Variants in RPTOR observed in about 807,000 individuals in gnomAD.
RPTOR encodes the protein regulatory-associated protein of mTOR.
Under a neutral mutation model 169.9 loss-of-function variants are expected in RPTOR, and 21 were observed. The observed-to-expected ratio is 0.12, with a 90% confidence interval of 0.09 to 0.18. RPTOR has a LOEUF of 0.18. RPTOR is among the 10% of genes least tolerant of loss of function. RPTOR has a pLI of 1.00. For synonymous variants in RPTOR, 732 were observed against 753.2 expected, an observed-to-expected ratio of 0.97 and a Z score of 0.46; for missense variants, 1,133 against 1,855.9, an observed-to-expected ratio of 0.61 and a Z score of 7.16.
At chr17:80,657,349 T>C (rs892748118) in intron 3 of RPTOR, among the ~76,000 whole-genome samples, 6 of 152,198 alleles carry the variant, frequency 3.9e-5, no homozygotes, top group Non-Finnish European at 8.8e-5. Context: ...CTCTCCCTGC[T>C]GAGTGGAGAG....
At chr17:80,764,172 TTTA>T (rs372094191) in intron 6 of RPTOR, among the ~76,000 whole-genome samples, 2 of 86,270 alleles carry the variant, frequency 2.3e-5, no homozygotes, top group African/African-American at 9.8e-5. Flanking sequence ...TTTATTTTAT[TTTA>T]TTATTATACT....
In RPTOR at chr17:80,665,528, T is replaced by TCC. The variant is rs1461401001; in HGVS notation, c.348+21719_348+21720dup. 2.7e-4 allele frequency among the ~76,000 whole-genome samples: 17 copies of TCC among 63,358 alleles called. 4 individuals are homozygous for TCC. The East Asian group carries it at 6.8e-3, about 25-fold the overall frequency. The allele number at this position is 63,358 out of a possible 152,430, so 41.6% of individuals were successfully genotyped here. A position where few individuals can be genotyped will look rare whatever the true frequency, so the allele number is the denominator to read the frequency against. On this transcript the variant is annotated intron_variant, in intron 3 of 33. Coordinates refer to ENST00000306801, the MANE Select transcript of RPTOR (RefSeq NM_020761.3). ...CATGTCCTTTCCTTTCCTTTCCATG[T>TCC]CCTTTCCTTTCCTTTTCCTTTCCCC...
In RPTOR at chr17:80,753,956, G is replaced by A. The variant is rs115244519; in HGVS notation, c.655-54G>A. ...TGTTACAGCTGCAGCTTACTATTTG[G>A]TTGTGACCAGCAGCTAAATCACACT... is the stretch of plus-strand genomic sequence containing the variant. On this transcript the variant is annotated intron_variant, in intron 5 of 33. Coordinates refer to ENST00000306801, the MANE Select transcript of RPTOR (RefSeq NM_020761.3). The A allele has an allele frequency of 8.1e-6, 12 of 1,487,876 alleles. No homozygotes were observed. The Admixed American group carries it at 1.9e-4, about 24-fold the overall frequency. The allele number at this position is 1,487,876 out of a possible 1,614,324, so 92.2% of individuals were successfully genotyped here. A position where few individuals can be genotyped will look rare whatever the true frequency, so the allele number is the denominator to read the frequency against.
At chr17:80,814,882 T>C (rs557834543) in intron 7 of RPTOR, among the ~76,000 whole-genome samples, 2 of 152,172 alleles carry the variant, frequency 1.3e-5, no homozygotes, top group South Asian at 4.2e-4. Flanking sequence ...CCTGGGTTGG[T>C]GTGGGAGAGA....
chr17:80,690,782 G>T (rs1321589587), intron 3 of RPTOR, among the ~76,000 whole-genome samples: 1 of 152,132 alleles, frequency 6.6e-6, no homozygotes, highest in African/African-American at 2.4e-5. Flanking sequence ...ATTATGAAAA[G>T]ATGGTGTTAT....
chr17:80,639,608 G>C (rs1025765024), intron 2 of RPTOR, among the ~76,000 whole-genome samples: 12 of 152,184 alleles, frequency 7.9e-5, no homozygotes, highest in Admixed American at 7.9e-4. Flanking sequence ...GAGGGGAGGG[G>C]TCAGCCTGCG....
At chr17:80,665,393 C>CA (rs2065760009) in intron 3 of RPTOR, among the ~76,000 whole-genome samples, 1 of 6,328 alleles carries the variant, frequency 1.6e-4, no homozygotes, top group Admixed American at 1.7e-3. Context: ...CTTTCCTTTC[C>CA]TTTCCTTTCC....
intron 2 of RPTOR, among the ~76,000 whole-genome samples, chr17:80,629,903 T>C (rs956618917): frequency 6.6e-6 from 1 of 152,262 alleles, no homozygotes; most frequent in Non-Finnish European, 1.5e-5. Flanking sequence ...TGTATTGCGC[T>C]GTTGGACATT....
intron 7 of RPTOR, among the ~76,000 whole-genome samples, chr17:80,817,710 A>G (rs1164713941): frequency 6.6e-6 from 1 of 152,120 alleles, no homozygotes; most frequent in Non-Finnish European, 1.5e-5. Flanking sequence ...CATCTGGTGG[A>G]GAATCAAAGG....
chr17:80,808,396 C>T (rs78767325), intron 7 of RPTOR, among the ~76,000 whole-genome samples: 6,866 of 152,272 alleles, frequency 0.045, 529 homozygotes, highest in African/African-American at 0.16. Flanking sequence ...TGCACTCCAG[C>T]TTGGGTGACA....
chr17:80,580,379 G>T (rs1424256417), intron 1 of RPTOR, among the ~76,000 whole-genome samples: 1 of 152,164 alleles, frequency 6.6e-6, no homozygotes, highest in Non-Finnish European at 1.5e-5. Flanking sequence ...CATTTTATGT[G>T]CCCGCTCGTG....
At chr17:80,789,121 T>A (rs1412076871) in intron 6 of RPTOR, among the ~76,000 whole-genome samples, 1 of 152,272 alleles carries the variant, frequency 6.6e-6, no homozygotes, top group Non-Finnish European at 1.5e-5. Flanking sequence ...ATAATATGCT[T>A]ATCTCCCAGC....
chr17:80,861,750 G>A lies in RPTOR; in HGVS notation c.1509+3850G>A, dbSNP rs2067919033. Reference sequence around the variant, plus strand: ...GCTCCCCAGCACCGCCAGTGCTGCAGGAACGTGTCTAAGCCAACTTTGATT... The same window carrying A: ...GCTCCCCAGCACCGCCAGTGCTGCAAGAACGTGTCTAAGCCAACTTTGATT... On this transcript the variant is annotated intron_variant, in intron 13 of 33. Coordinates refer to ENST00000306801, the MANE Select transcript of RPTOR (RefSeq NM_020761.3). The surrounding 1 kb of genome is among the most constrained non-coding windows in gnomAD (Gnocchi z 4.5). Among the ~76,000 whole-genome samples, 1 of 152,188 alleles carries A rather than the reference G, an allele frequency of 6.6e-6. No homozygotes were observed. The highest frequency in any genetic ancestry group is 2.1e-4 in the South Asian group (1 of 4,832).
intron 1 of RPTOR, among the ~76,000 whole-genome samples, chr17:80,615,257 G>C (rs1374790481): frequency 1.3e-5 from 2 of 152,140 alleles, no homozygotes; most frequent in Non-Finnish European, 2.9e-5. Context: ...ACCGCCTCCT[G>C]AAGAGCCAGG....
chr17:80,740,692 A>G (rs1425193660), intron 5 of RPTOR, among the ~76,000 whole-genome samples: 3 of 152,220 alleles, frequency 2.0e-5, no homozygotes, highest in Non-Finnish European at 4.4e-5. Flanking sequence ...CAATTGATGC[A>G]GAAAACTCTT....
intron 7 of RPTOR, among the ~76,000 whole-genome samples, chr17:80,812,589 T>A (rs2672903): frequency 5.3e-5 from 8 of 152,234 alleles, no homozygotes; most frequent in South Asian, 2.1e-4. Context: ...GCTGGGTCCC[T>A]TTTTTGGAGT....
rs938708012 is a variant in RPTOR, at chr17:80,928,927, T to C, written c.2919+3447T>C. Among the ~76,000 whole-genome samples, 4 of 152,164 alleles carry C rather than the reference T, an allele frequency of 2.6e-5. No individual in the cohort carries two copies. In the South Asian group the frequency reaches 6.2e-4, roughly 24 times the overall value. On this transcript the variant is annotated intron_variant, in intron 24 of 33. Coordinates refer to ENST00000306801, the MANE Select transcript of RPTOR (RefSeq NM_020761.3). Reference sequence around the variant, plus strand: ...CACTGTTGGTGGGTGGGTCCAGTACTCCCTTTGCTTAGGGCAATTAAGCAG... The same window carrying C: ...CACTGTTGGTGGGTGGGTCCAGTACCCCCTTTGCTTAGGGCAATTAAGCAG...
intron 1 of RPTOR, among the ~76,000 whole-genome samples, chr17:80,548,843 C>G (rs1477864992): frequency 1.3e-5 from 2 of 152,224 alleles, no homozygotes; most frequent in East Asian, 3.8e-4. Flanking sequence ...ACATCAACTA[C>G]TTCCTGGTGG....
Position 80,583,182 on chromosome 17 carries a change from G to GTTTTTTTTTTTTT in RPTOR, c.162+37403_162+37415dup, listed in dbSNP as rs1166711662. On this transcript the variant is annotated intron_variant, in intron 1 of 33. Coordinates refer to ENST00000306801, the MANE Select transcript of RPTOR (RefSeq NM_020761.3). The stretch of plus-strand genomic sequence containing the variant: ...GGTCCCTGTCCACTGCCTCTTTCCT[G>GTTTTTTTTTTTTT]TTTTTTTTTTTTTTTTTTTTTTTTG... 6.1e-4 allele frequency among the ~76,000 whole-genome samples: 48 copies of GTTTTTTTTTTTTT among 79,260 alleles called. 3 individuals carry two copies. Among genetic ancestry groups the GTTTTTTTTTTTTT allele is most frequent in the Non-Finnish European group, 9.3e-4 (38 of 40,984 alleles). 52.0% of individuals were successfully genotyped at this position (79,260 alleles called of 152,430 possible).
Sources: gnomAD v4.1 joint callset for allele counts (sites outside exome capture counted in the v4.1 genomes callset) on GRCh38, gnomAD v4.1.1 for gene constraint, Gnocchi (gnomAD v3.1) non-coding constraint, MANE v1.5 for transcripts, NCBI Gene and HGNC (gene_info 2026-07-23, HGNC 2026-07-21) for gene names.